The following PVALB variants were observed in gnomAD, a reference collection of about 807,000 sequenced individuals.
PVALB encodes parvalbumin.
PVALB carries 11 observed loss-of-function variants against 10.9 expected under a neutral mutation model. That is an observed-to-expected ratio of 1.01 (90% confidence interval 0.63 to 1.67). The LOEUF is 1.67. Ranked by LOEUF, PVALB falls within the 40% of genes most tolerant of loss-of-function variation. The pLI is 0.00. For synonymous variants in PVALB, 57 were observed against 50.7 expected (o/e 1.12, Z -0.53); for missense variants, 131 against 136.2 (o/e 0.96, Z 0.19).
At chr22:36,801,349 G>C (rs980058524) in intron 3 of PVALB, among the ~76,000 whole-genome samples, 1 of 152,188 alleles carries the variant, frequency 6.6e-6, no homozygotes, top group Admixed American at 6.5e-5. Context: ...GAGGCTCAGG[G>C]TCCTGATTTC....
At chr22:36,802,623 A>AAAAAAAAG (rs1555910493) in intron 3 of PVALB, among the ~76,000 whole-genome samples, 17 of 119,090 alleles carry the variant, frequency 1.4e-4, no homozygotes, top group African/African-American at 3.0e-4. Flanking sequence ...AAAAAAAAAA[A>AAAAAAAAG]AAAGAAAGAA....
At chr22:36,807,332 G>GATGGGACAAAGCATCGT (rs923871352) in intron 3 of PVALB, among the ~76,000 whole-genome samples, 5 of 152,180 alleles carry the variant, frequency 3.3e-5, no homozygotes, top group Non-Finnish European at 2.9e-5. Context: ...GGTGCAATGA[G>GATGGGACAAAGCATCGT]ATGGGACAAA....
upstream of PVALB, chr22:36,818,529 C>T (rs942059274): frequency 1.3e-5 from 2 of 152,754 alleles, no homozygotes; most frequent in South Asian, 4.1e-4. Context: ...CCTGATGCCT[C>T]TCAGCTCCAG....
intron 3 of PVALB, among the ~76,000 whole-genome samples, chr22:36,808,240 G>C (rs1010945022): frequency 2.0e-5 from 3 of 152,180 alleles, no homozygotes; most frequent in African/African-American, 7.2e-5. Flanking sequence ...AGAGCTGTTG[G>C]GAGGTTTGAA....
intron 3 of PVALB, among the ~76,000 whole-genome samples, chr22:36,802,808 C>G (rs1335481016): frequency 6.6e-6 from 1 of 151,972 alleles, no homozygotes; most frequent in African/African-American, 2.4e-5. Flanking sequence ...TGAGGGTCCA[C>G]CAGCTGGTTT....
intron 3 of PVALB, 32 bp from the exon 4 acceptor site, chr22:36,800,950 A>G: frequency 6.3e-7 from 1 of 1,597,618 alleles, no homozygotes; most frequent in Non-Finnish European, 8.6e-7. Context: ...AAAGTGAGTC[A>G]GAGGCGGGGA....
At chr22:36,808,105 G>A (rs890872107) in intron 3 of PVALB, among the ~76,000 whole-genome samples, 5 of 152,214 alleles carry the variant, frequency 3.3e-5, no homozygotes, top group African/African-American at 4.8e-5. Context: ...CGGGGCATGC[G>A]GATCTTCTCT....
chr22:36,817,055 C>T (rs1313296470), upstream of PVALB: 6 of 1,544,866 alleles, frequency 3.9e-6, no homozygotes, highest in Admixed American at 1.8e-5. Context: ...TTAAAAAGTG[C>T]TTTTCTCATC....
At chr22:36,806,045 G>A (rs1938943970) in intron 3 of PVALB, among the ~76,000 whole-genome samples, 1 of 151,946 alleles carries the variant, frequency 6.6e-6, no homozygotes, top group African/African-American at 2.4e-5. Flanking sequence ...TCCTTATAGG[G>A]TTATGGTAAG....
chr22:36,811,190 A>T (rs983865853), intron 3 of PVALB, among the ~76,000 whole-genome samples: 1 of 152,068 alleles, frequency 6.6e-6, no homozygotes, highest in Non-Finnish European at 1.5e-5. Context: ...GGAGGGGGGA[A>T]TTGCTTAAAC....
upstream of PVALB, chr22:36,817,418 G>A (rs1939162888): frequency 6.3e-6 from 1 of 159,108 alleles, no homozygotes; most frequent in Non-Finnish European, 1.4e-5. Flanking sequence ...CGGATGTCCT[G>A]CCGCGTGGGG....
chr22:36,815,393 C>T (rs191894447), intron 1 of PVALB, 158 bp from the exon 2 acceptor site: 11 of 984,658 alleles, frequency 1.1e-5, no homozygotes, highest in African/African-American at 1.6e-5. Flanking sequence ...GGAGCCCGGG[C>T]AAGGGAGGAT....
At chr22:36,813,425 A>C in intron 3 of PVALB, 1 of 523,134 alleles carries the variant, frequency 1.9e-6, no homozygotes, top group East Asian at 3.0e-5. Context: ...AACAGAATCT[A>C]TTCCTTTTAG....
rs571435563 is a variant in PVALB at position 36,815,194 on chromosome 22, C to A, written c.103G>T (p.Gly35Cys). Reference sequence around the variant, plus strand: ...TCATCCGCACTCTTTTTCTTCAGGCCGACCATTTGGAAGAACTTTTTGTGG... The same window carrying A: ...TCATCCGCACTCTTTTTCTTCAGGCAGACCATTTGGAAGAACTTTTTGTGG... ...FDHKKFFQMVGLKKKSADDVK... is the reference protein window; with the variant it reads ...FDHKKFFQMVCLKKKSADDVK... The change falls in exon 2 of 4, where the codon GGC becomes TGC. Residue 35 changes from glycine (G) to cysteine (C), a missense_variant. Transcript: ENST00000417718. 1 of 1,614,146 alleles carries A rather than the reference C, an allele frequency of 6.2e-7. No homozygotes were observed. Among genetic ancestry groups the A allele is most frequent in the Admixed American group, 1.7e-5 (1 of 60,028 alleles).
intron 3 of PVALB, among the ~76,000 whole-genome samples, chr22:36,805,162 C>T (rs777617588): frequency 2.6e-5 from 4 of 152,128 alleles, no homozygotes; most frequent in Non-Finnish European, 4.4e-5. Flanking sequence ...GACGCCTTTC[C>T]AGCTGTCACA....
chr22:36,810,065 A>G (rs1252636993), intron 3 of PVALB, among the ~76,000 whole-genome samples: 1 of 151,838 alleles, frequency 6.6e-6, no homozygotes, highest in Non-Finnish European at 1.5e-5. Context: ...TTGTATTTTT[A>G]GTAGAGGTGG....
chr22:36,818,971 T>A (rs2145957576), upstream of PVALB, among the ~76,000 whole-genome samples: 1 of 152,244 alleles, frequency 6.6e-6, no homozygotes, highest in South Asian at 2.1e-4. Flanking sequence ...AGGGGCCCAC[T>A]CTTCTTCCAT....
At chr22:36,817,792 C>A (rs756961748), upstream of PVALB, among the ~76,000 whole-genome samples, 8 of 152,162 alleles carry the variant, frequency 5.3e-5, no homozygotes, top group Non-Finnish European at 1.0e-4. Flanking sequence ...CTTTCCTGGT[C>A]TCCTGGGTCC....
chr22:36,813,621 C>T (rs989928144), intron 3 of PVALB, 25 bp downstream of exon 3: 2 of 1,565,618 alleles, frequency 1.3e-6, no homozygotes, highest in Non-Finnish European at 1.8e-6. Flanking sequence ...ACAATATGCC[C>T]AGACCCCAGG....
Sources: allele counts gnomAD v4.1 joint callset (sites outside exome capture counted in the v4.1 genomes callset), GRCh38; gene constraint gnomAD v4.1.1; transcripts MANE v1.5; gene names NCBI Gene and HGNC (gene_info 2026-07-23, HGNC 2026-07-21).